FAM180A: variants seen among roughly 807,000 people sequenced by gnomAD.
FAM180A encodes the protein family with sequence similarity 180 member A, also known as protein FAM180A.
A neutral mutation model predicts 15.3 loss-of-function variants in FAM180A; 14 were observed. The ratio of observed to expected loss-of-function variants is 0.92; its 90% CI spans 0.61 to 1.43. FAM180A has a LOEUF of 1.43. FAM180A is among the 40% of genes most tolerant of loss of function. The probability of loss-of-function intolerance (pLI) is 0.00; values close to 1 mark genes in which losing one functional copy is unlikely to be tolerated. For missense variants in FAM180A, 200 were observed against 220.8 expected (o/e 0.91, Z 0.60); for synonymous variants, 90 against 96.8 (o/e 0.93, Z 0.41).
At chr7:135,747,306 AAAG>A (rs1797044552) in intron 1 of FAM180A, among the ~76,000 whole-genome samples, 2 of 152,110 alleles carry the variant, frequency 1.3e-5, no homozygotes, top group African/African-American at 2.4e-5. Context: ...AAAATTAAAA[AAAG>A]AAAAGGGAGG....
intron 1 of FAM180A, among the ~76,000 whole-genome samples, chr7:135,746,057 T>C (rs1466550305): frequency 6.6e-6 from 1 of 152,082 alleles, no homozygotes; most frequent in Non-Finnish European, 1.5e-5. Flanking sequence ...TTGATGATGG[T>C]TGGAGGGACT....
chr7:135,733,647 T>C lies in FAM180A; in HGVS notation c.*328A>G. 9.3e-7 allele frequency: 1 copy of C among 1,079,672 alleles called. No homozygotes were observed. 66.9% of individuals were successfully genotyped at this position (1,079,672 alleles called of 1,614,324 possible). A position where few individuals can be genotyped will look rare whatever the true frequency, so the allele number is the denominator to read the frequency against. On this transcript the variant is annotated splice_region_variant and 3_prime_UTR_variant, in exon 3 of 4. Transcript: ENST00000338588. ...CAGGCGTGAGCCTCTGTGCCCGGCC[T>C]GTTCTCACTCTTGAGTGTGTGGCCA...
chr7:135,734,395 T>C (rs541888612), intron 2 of FAM180A, 76 bp from the exon 3 acceptor site: 37 of 1,384,780 alleles, frequency 2.7e-5, no homozygotes, highest in Non-Finnish European at 3.6e-5. Flanking sequence ...ATCACGCACC[T>C]TCCCTTAGGG....
At chr7:135,739,239 G>A (rs1440435547) in intron 1 of FAM180A, among the ~76,000 whole-genome samples, 13 of 150,204 alleles carry the variant, frequency 8.7e-5, no homozygotes, top group Non-Finnish European at 1.8e-4. Context: ...GAACCCGGGA[G>A]GTGGAGCTTG....
intron 1 of FAM180A, among the ~76,000 whole-genome samples, chr7:135,738,493 C>G (rs1796903030): frequency 1.3e-5 from 2 of 152,198 alleles, no homozygotes; most frequent in African/African-American, 4.8e-5. Context: ...CGAGCCCAGC[C>G]AAGCCTGGCT....
At chr7:135,732,095 A>G (rs1796791505) in intron 3 of FAM180A, among the ~76,000 whole-genome samples, 1 of 152,218 alleles carries the variant, frequency 6.6e-6, no homozygotes, top group African/African-American at 2.4e-5. Context: ...GAATTATAAC[A>G]AACCTGGCTA....
chr7:135,733,735 G>A lies in FAM180A; in HGVS notation c.*240C>T, dbSNP rs539716077. 3.6e-5 allele frequency: 48 copies of A among 1,329,938 alleles called. No homozygotes were observed. In the African/African-American group the frequency reaches 6.2e-4, roughly 17 times the overall value. The allele number at this position is 1,329,938 out of a possible 1,614,324, so 82.4% of individuals were successfully genotyped here. A position where few individuals can be genotyped will look rare whatever the true frequency, so the allele number is the denominator to read the frequency against. Reference sequence around the variant, plus strand: ...ATAGGCAAACCATTCTGCCCATGGAGGCGTCTTGAATGACCATTCCAGCCC... The same window carrying A: ...ATAGGCAAACCATTCTGCCCATGGAAGCGTCTTGAATGACCATTCCAGCCC... On this transcript the variant is annotated 3_prime_UTR_variant, in exon 3 of 4. Coordinates refer to ENST00000338588, the MANE Select transcript of FAM180A (RefSeq NM_205855.4).
At chr7:135,740,104 T>C (rs1176169615) in intron 1 of FAM180A, among the ~76,000 whole-genome samples, 3 of 152,110 alleles carry the variant, frequency 2.0e-5, no homozygotes. Flanking sequence ...GAATCATAGA[T>C]TTTAGGGCTT....
Position 135,748,654 on chromosome 7 carries a change from G to A in FAM180A, c.-74C>T, listed in dbSNP as rs1387832044. 9 of 1,120,852 alleles carry A rather than the reference G, an allele frequency of 8.0e-6. No homozygotes were observed. In the East Asian group the frequency reaches 9.4e-5, roughly 12 times the overall value. 69.4% of individuals were successfully genotyped at this position (1,120,852 alleles called of 1,614,324 possible). A position where few individuals can be genotyped will look rare whatever the true frequency, so the allele number is the denominator to read the frequency against. Reference sequence around the variant, plus strand: ...CAGTAGCTGCAGGTATGCCCGTGCCGTTCTTCCCAGTGAGATGATGGAGTG... The same window carrying A: ...CAGTAGCTGCAGGTATGCCCGTGCCATTCTTCCCAGTGAGATGATGGAGTG... On this transcript the variant is annotated 5_prime_UTR_variant, in exon 1 of 4. It adds an upstream start codon to the 5' untranslated region. Transcript: ENST00000338588.
At chr7:135,744,666 A>T (rs1797003767) in intron 1 of FAM180A, among the ~76,000 whole-genome samples, 1 of 152,056 alleles carries the variant, frequency 6.6e-6, no homozygotes, top group South Asian at 2.1e-4. Context: ...CCCATGGGGG[A>T]TGGAGAAATA....
rs756765518 is a variant in FAM180A at position 135,733,961 on chromosome 7, T to TG, written c.*13dup. The TG allele has an allele frequency of 1.9e-6, 3 of 1,577,620 alleles. No homozygotes were observed. The highest frequency in any genetic ancestry group is 2.6e-6 in the Non-Finnish European group (3 of 1,161,040). ...GCTGGTCCCTGCTCTGAGGTCCTGGTGTGGGCCAGTCTCTCAGGGAGGTAC... is the reference window on the plus strand; with the variant it reads ...GCTGGTCCCTGCTCTGAGGTCCTGGTGGTGGGCCAGTCTCTCAGGGAGGTAC... On this transcript the variant is annotated 3_prime_UTR_variant, in exon 3 of 4. Transcript: ENST00000338588.
At chr7:135,740,531 A>G (rs1272465725) in intron 1 of FAM180A, among the ~76,000 whole-genome samples, 1 of 152,146 alleles carries the variant, frequency 6.6e-6, no homozygotes, top group Non-Finnish European at 1.5e-5. Context: ...CTGGGAGTGA[A>G]ATGTAGGCAC....
chr7:135,730,687 C>G (rs1465691207), intron 3 of FAM180A, among the ~76,000 whole-genome samples: 9 of 152,298 alleles, frequency 5.9e-5, no homozygotes, highest in Admixed American at 3.9e-4. Context: ...CCCTTCGTGA[C>G]TGTAGTTGTA....
intron 1 of FAM180A, 48 bp downstream of exon 1, chr7:135,748,457 G>A: frequency 1.3e-6 from 2 of 1,495,268 alleles, no homozygotes; most frequent in Admixed American, 1.7e-5. Flanking sequence ...TTGCATTGAA[G>A]AAAGTATAAT....
chr7:135,744,084 C>T (rs191855959), intron 1 of FAM180A, among the ~76,000 whole-genome samples: 138 of 152,280 alleles, frequency 9.1e-4, no homozygotes, highest in African/African-American at 3.0e-3. Flanking sequence ...CCCTACCTCC[C>T]CCACACCTTA....
intron 1 of FAM180A, among the ~76,000 whole-genome samples, chr7:135,742,516 A>G (rs532230749): frequency 1.1e-4 from 17 of 152,296 alleles, no homozygotes; most frequent in African/African-American, 3.9e-4. Context: ...GGGGTGGGGA[A>G]ACCAAGCACT....
chr7:135,745,329 G>T (rs1472301940), intron 1 of FAM180A, among the ~76,000 whole-genome samples: 1 of 152,178 alleles, frequency 6.6e-6, no homozygotes, highest in Non-Finnish European at 1.5e-5. Context: ...TTCAACAAAA[G>T]CATAGCTATT....
intron 1 of FAM180A, among the ~76,000 whole-genome samples, chr7:135,739,104 G>A (rs920883137): frequency 6.6e-6 from 1 of 151,262 alleles, no homozygotes; most frequent in Non-Finnish European, 1.5e-5. Flanking sequence ...GAGGCCAGGA[G>A]TTTGAGACCA....
intron 1 of FAM180A, among the ~76,000 whole-genome samples, chr7:135,743,137 T>C (rs376782370): frequency 1.3e-5 from 2 of 152,158 alleles, no homozygotes; most frequent in African/African-American, 4.8e-5. Flanking sequence ...CTTTGACTTA[T>C]AATAATGTGA....
Sources: allele counts gnomAD v4.1 joint callset (sites outside exome capture counted in the v4.1 genomes callset), GRCh38; gene constraint gnomAD v4.1.1; transcripts MANE v1.5; gene names NCBI Gene and HGNC (gene_info 2026-07-23, HGNC 2026-07-21).